The following MTUS1 variants were observed in gnomAD, a reference collection of about 807,000 sequenced individuals.
The protein encoded by MTUS1 is microtubule associated scaffold protein 1.
MTUS1 carries 109 observed loss-of-function variants against 120.8 expected under a neutral mutation model. The ratio of observed to expected loss-of-function variants is 0.90; its 90% CI spans 0.77 to 1.06. MTUS1 has a LOEUF of 1.06. Among genes scored for constraint, MTUS1 ranks in the 50% least tolerant of loss-of-function variants. The pLI is 0.00. For synonymous variants in MTUS1, 737 were observed against 550.5 expected, an observed-to-expected ratio of 1.34 and a Z score of -4.74; for missense variants, 2,210 against 1,486.3, an observed-to-expected ratio of 1.49 and a Z score of -8.01.
chr8:17,733,605 C>A (rs2046741154), intron 3 of MTUS1, among the ~76,000 whole-genome samples: 1 of 152,038 alleles, frequency 6.6e-6, no homozygotes, highest in African/African-American at 2.4e-5. Flanking sequence ...AAATTCAAGA[C>A]ACAAGAGGTA....
chr8:17,673,602 C>T (rs1350654650), intron 8 of MTUS1, among the ~76,000 whole-genome samples: 1 of 152,174 alleles, frequency 6.6e-6, no homozygotes, highest in Non-Finnish European at 1.5e-5. Flanking sequence ...CAGGCACACA[C>T]CACCATGCTT....
chr8:17,800,018 A>G (rs770018865), intron 1 of MTUS1, among the ~76,000 whole-genome samples: 1 of 152,146 alleles, frequency 6.6e-6, no homozygotes, highest in Non-Finnish European at 1.5e-5. Context: ...TAAGTTGTGT[A>G]TCATTTCCTG....
At chr8:17,770,997 A>AG (rs2131449275) in intron 1 of MTUS1, among the ~76,000 whole-genome samples, 1 of 152,308 alleles carries the variant, frequency 6.6e-6, no homozygotes, top group South Asian at 2.1e-4. Flanking sequence ...AAAGAAAAAA[A>AG]GTTTTAAAGG....
Position 17,715,837 on chromosome 8 carries a change from G to A in MTUS1, c.2514C>T (p.Ser838=), listed in dbSNP as rs1428903442. Residue 838 remains serine, a synonymous_variant, in exon 5 of 15, where the codon TCC becomes TCT. Transcript: ENST00000693296. Reference sequence around the variant, plus strand: ...AAGGCTTCAAATAAAAGGATCCTGAGGAACCATTCTGAAATGCTGGTTTTG... The same window carrying A: ...AAGGCTTCAAATAAAAGGATCCTGAAGAACCATTCTGAAATGCTGGTTTTG... The part of the protein sequence containing the change: ...KPPKPAFQNG[S]SGSFYLKPLV... The A allele has an allele frequency of 6.2e-7, 1 of 1,613,958 alleles. No homozygotes were observed. Among genetic ancestry groups the A allele is most frequent in the South Asian group, 1.1e-5 (1 of 91,062 alleles).
At chr8:17,686,010 G>C (rs533140079) in intron 6 of MTUS1, among the ~76,000 whole-genome samples, 2 of 152,316 alleles carry the variant, frequency 1.3e-5, no homozygotes, top group African/African-American at 2.4e-5. Context: ...TTGACCATGA[G>C]ATTAGCATTC....
intron 6 of MTUS1, among the ~76,000 whole-genome samples, chr8:17,706,912 TCTAAA>T (rs372263984): frequency 5.3e-5 from 8 of 152,238 alleles, no homozygotes; most frequent in African/African-American, 1.9e-4. Flanking sequence ...AAGGGTGATT[TCTAAA>T]CTACATGCTA....
At chr8:17,713,626 A>C (rs1335578507) in intron 5 of MTUS1, among the ~76,000 whole-genome samples, 1 of 152,202 alleles carries the variant, frequency 6.6e-6, no homozygotes, top group East Asian at 1.9e-4. Flanking sequence ...GACTTCACGA[A>C]GGACAGTCAC....
Position 17,645,879 on chromosome 8 carries a change from A to G in MTUS1, c.*47T>C, listed in dbSNP as rs760097101. On this transcript the variant is annotated 3_prime_UTR_variant, in exon 15 of 15. Transcript: ENST00000693296. ...TTCCTCCTTGGGGTCAGTCCTGCAGACCTGCATCAAAATGCTTTCAGAGAG... is the reference window on the plus strand; with the variant it reads ...TTCCTCCTTGGGGTCAGTCCTGCAGGCCTGCATCAAAATGCTTTCAGAGAG... 1.1e-5 allele frequency: 18 copies of G among 1,578,620 alleles called. No homozygotes were observed. Among genetic ancestry groups the G allele is most frequent in the Non-Finnish European group, 1.4e-5 (16 of 1,162,708 alleles).
At position 17,669,284 on chromosome 8, in the gene MTUS1, G is replaced by A. The variant is rs541490174; in HGVS notation, c.2905+5902C>T. 3.3e-5 allele frequency among the ~76,000 whole-genome samples: 5 copies of A among 152,314 alleles called. No individual in the cohort carries two copies. In the South Asian group the frequency reaches 1.0e-3, roughly 32 times the overall value. On this transcript the variant is annotated intron_variant, in intron 8 of 14. Coordinates refer to ENST00000693296, the MANE Select transcript of MTUS1 (RefSeq NM_001363059.2). ...TTAAAAACTGAGTAAAAGAGAAGGAGCATGAGGGGTCCGCGACGGGAGGGG... is the reference window on the plus strand; with the variant it reads ...TTAAAAACTGAGTAAAAGAGAAGGAACATGAGGGGTCCGCGACGGGAGGGG...
intron 6 of MTUS1, among the ~76,000 whole-genome samples, chr8:17,698,953 T>A (rs547052395): frequency 6.6e-6 from 1 of 152,256 alleles, no homozygotes; most frequent in East Asian, 1.9e-4. Context: ...TCATCCCAGT[T>A]TATTATTAAA....
At chr8:17,784,807 CAG>C (rs2051165490) in intron 1 of MTUS1, among the ~76,000 whole-genome samples, 1 of 148,028 alleles carries the variant, frequency 6.8e-6, no homozygotes, top group South Asian at 2.1e-4. Context: ...TTTTTTGACA[CAG>C]AGGCTTGCTC....
chr8:17,782,901 A>C (rs920009601), intron 1 of MTUS1, among the ~76,000 whole-genome samples: 1 of 152,114 alleles, frequency 6.6e-6, no homozygotes, highest in Non-Finnish European at 1.5e-5. Flanking sequence ...AACATGGTGA[A>C]ACCCCACCTT....
intron 7 of MTUS1, chr8:17,676,150 T>C: frequency 1.5e-6 from 1 of 667,724 alleles, no homozygotes. Context: ...GTTGCAGAGA[T>C]CATGAGACCC....
At chr8:17,679,568 C>T (rs1451264446) in intron 7 of MTUS1, among the ~76,000 whole-genome samples, 1 of 151,816 alleles carries the variant, frequency 6.6e-6, no homozygotes, top group Non-Finnish European at 1.5e-5. Flanking sequence ...GTGGTGCGAT[C>T]TTGGCTCACT....
At chr8:17,758,101 G>A (rs1053197973) in intron 1 of MTUS1, 3 of 152,160 alleles carry the variant, frequency 2.0e-5, no homozygotes, top group Non-Finnish European at 2.9e-5. Flanking sequence ...ATCCATGAGG[G>A]AGGGAAAAAA....
chr8:17,659,991 G>T (rs749891650), intron 8 of MTUS1, among the ~76,000 whole-genome samples: 1 of 152,104 alleles, frequency 6.6e-6, no homozygotes, highest in Non-Finnish European at 1.5e-5. Flanking sequence ...GTCCTGTTGT[G>T]ACTGTTTATT....
At chr8:17,684,901 C>T (rs1410337278) in intron 6 of MTUS1, among the ~76,000 whole-genome samples, 2 of 152,146 alleles carry the variant, frequency 1.3e-5, no homozygotes, top group Admixed American at 1.3e-4. Context: ...AGAAGCCTGA[C>T]TTTTCTGATC....
chr8:17,742,275 T>G (rs111952464), intron 3 of MTUS1, among the ~76,000 whole-genome samples: 18,250 of 125,804 alleles, frequency 0.15, 1,839 homozygotes, highest in African/African-American at 0.19. Flanking sequence ...AGCTGTTTTT[T>G]TTTTTTGTTG....
chr8:17,694,508 ATACAAAGAAAT>A (rs1817576439), intron 6 of MTUS1, among the ~76,000 whole-genome samples: 1 of 152,108 alleles, frequency 6.6e-6, no homozygotes, highest in Admixed American at 6.5e-5. Context: ...TCTATTAAAA[ATACAAAGAAAT>A]TAGCCGGGTA....
Sources: allele counts gnomAD v4.1 joint callset (sites outside exome capture counted in the v4.1 genomes callset), GRCh38; gene constraint gnomAD v4.1.1; transcripts MANE v1.5; gene names NCBI Gene and HGNC (gene_info 2026-07-23, HGNC 2026-07-21).